UBE2D2: variants seen among roughly 807,000 people sequenced by gnomAD.
The protein encoded by UBE2D2 is ubiquitin conjugating enzyme E2 D2, also known as ubiquitin-conjugating enzyme E2 D2.
A neutral mutation model predicts 24.2 loss-of-function variants in UBE2D2; 2 were observed. The ratio of observed to expected loss-of-function variants is 0.08; its 90% CI spans 0.03 to 0.26. The LOEUF (loss-of-function observed/expected upper bound fraction) is 0.26. Among genes scored for constraint, UBE2D2 ranks in the 10% least tolerant of loss-of-function variants. The pLI is 1.00. For missense variants in UBE2D2, 44 were observed against 177.6 expected (o/e 0.25, Z 4.28); for synonymous variants, 58 against 56.5 (o/e 1.03, Z -0.12).
intron 6 of UBE2D2, among the ~76,000 whole-genome samples, chr5:139,624,162 T>C (rs149912648): frequency 9.6e-4 from 146 of 152,258 alleles, no homozygotes; most frequent in African/African-American, 3.3e-3. Flanking sequence ...AGAAAGCAAA[T>C]AAATGCCATT....
intron 1 of UBE2D2, among the ~76,000 whole-genome samples, chr5:139,574,937 T>C (rs908661997): frequency 3.3e-5 from 5 of 152,158 alleles, no homozygotes; most frequent in African/African-American, 1.2e-4. Context: ...TGTTATTTTT[T>C]ACAAATGTGC....
At chr5:139,568,351 A>G (rs1466736988) in intron 1 of UBE2D2, among the ~76,000 whole-genome samples, 1 of 151,576 alleles carries the variant, frequency 6.6e-6, no homozygotes, top group African/African-American at 2.4e-5. Flanking sequence ...CAAAAAAAAA[A>G]AAATTGCTTA....
chr5:139,607,484 A>T (rs962969400), intron 2 of UBE2D2, among the ~76,000 whole-genome samples: 5 of 152,018 alleles, frequency 3.3e-5, no homozygotes, highest in Non-Finnish European at 4.4e-5. Flanking sequence ...AGCCCTGTGT[A>T]TGTGTTTTTG....
intron 1 of UBE2D2, among the ~76,000 whole-genome samples, chr5:139,571,446 A>T (rs187623938): frequency 9.0e-4 from 136 of 150,970 alleles, no homozygotes; most frequent in Admixed American, 3.2e-3. Context: ...TCAGCTATCC[A>T]CTTTAGAGTA....
intron 1 of UBE2D2, among the ~76,000 whole-genome samples, chr5:139,532,854 C>T (rs575842285): frequency 1.4e-4 from 22 of 152,120 alleles, no homozygotes; most frequent in Admixed American, 9.8e-4. Flanking sequence ...CTCCAGTAAT[C>T]CTAGCACTTT....
intron 1 of UBE2D2, among the ~76,000 whole-genome samples, chr5:139,599,405 A>AT (rs201792137): frequency 8.0e-5 from 12 of 150,564 alleles, no homozygotes; most frequent in African/African-American, 2.2e-4. Flanking sequence ...TTGGCCTTAA[A>AT]TTTTTTTTTT....
chr5:139,610,782 G>C (rs1754301920), intron 2 of UBE2D2, among the ~76,000 whole-genome samples: 1 of 152,008 alleles, frequency 6.6e-6, no homozygotes, highest in Admixed American at 6.6e-5. Flanking sequence ...ATTTAAGCCT[G>C]GGAGGTGGAG....
intron 1 of UBE2D2, among the ~76,000 whole-genome samples, chr5:139,596,396 C>T (rs756399240): frequency 2.0e-5 from 3 of 151,716 alleles, no homozygotes; most frequent in Admixed American, 6.6e-5. Flanking sequence ...TGGGTTCAAG[C>T]GATTCTCCTG....
In UBE2D2 at chr5:139,588,356, A is replaced by G. The variant is rs1369802325; in HGVS notation, c.25-12016A>G. Among the ~76,000 whole-genome samples, 9 of 148,922 alleles carry G rather than the reference A, an allele frequency of 6.0e-5. 1 individual carries two copies. Among genetic ancestry groups the G allele is most frequent in the Non-Finnish European group, 1.0e-4 (7 of 67,298 alleles). ...AGTGGCGCGATCTCAGCTCACTGCA[A>G]CCTCCGCCTCCCAGGTTCAAGCTAT... On this transcript the variant is annotated intron_variant, in intron 1 of 6. Coordinates refer to ENST00000398733, the MANE Select transcript of UBE2D2 (RefSeq NM_003339.3).
chr5:139,590,443 TAA>T (rs1035963843), intron 1 of UBE2D2, among the ~76,000 whole-genome samples: 5 of 95,020 alleles, frequency 5.3e-5, no homozygotes, highest in African/African-American at 7.4e-5. Flanking sequence ...TCAAAAAAAA[TAA>T]AAAAAAAAAA....
chr5:139,613,888 C>T (rs1016599333), intron 2 of UBE2D2, among the ~76,000 whole-genome samples: 2 of 151,980 alleles, frequency 1.3e-5, no homozygotes, highest in Non-Finnish European at 2.9e-5. Context: ...GTGGCAAAAC[C>T]TTGTCTCTAC....
At chr5:139,572,178 C>T (rs1355100910) in intron 1 of UBE2D2, among the ~76,000 whole-genome samples, 1 of 152,210 alleles carries the variant, frequency 6.6e-6, no homozygotes, top group African/African-American at 2.4e-5. Flanking sequence ...GTTCCTTTGG[C>T]TTCTGATAAA....
chr5:139,583,586 A>C (rs1343352127), intron 1 of UBE2D2, among the ~76,000 whole-genome samples: 3 of 151,904 alleles, frequency 2.0e-5, no homozygotes, highest in Non-Finnish European at 4.4e-5. Flanking sequence ...ACAAGGTGAA[A>C]CCCTGTCTCT....
intron 1 of UBE2D2, among the ~76,000 whole-genome samples, chr5:139,536,930 A>G (rs1268644149): frequency 6.6e-6 from 1 of 152,210 alleles, no homozygotes; most frequent in Non-Finnish European, 1.5e-5. Flanking sequence ...CTGTAATCCC[A>G]GCACTTTGGG....
chr5:139,561,431 C>G lies in UBE2D2; in HGVS notation c.-361C>G, dbSNP rs1047322380. On this transcript the variant is annotated 5_prime_UTR_variant, in exon 1 of 7. Coordinates refer to ENST00000398733, the MANE Select transcript of UBE2D2 (RefSeq NM_003339.3). ...ACAGGCAATCCCTCCGGCTGTCCGA[C>G]CAAGAGAGGCCGGCCGAGCCCGAGG... 8 of 245,146 alleles carry G rather than the reference C, an allele frequency of 3.3e-5. No homozygotes were observed. Among genetic ancestry groups the G allele is most frequent in the Middle Eastern group, 1.2e-3 (1 of 856 alleles). The allele number at this position is 245,146 out of a possible 1,614,324, so 15.2% of individuals were successfully genotyped here.
chr5:139,546,788 A>G (rs1752832794), intron 1 of UBE2D2, among the ~76,000 whole-genome samples: 1 of 150,072 alleles, frequency 6.7e-6, no homozygotes. Context: ...GCCTGGCCTT[A>G]AATTTTCTTT....
intron 1 of UBE2D2, among the ~76,000 whole-genome samples, chr5:139,581,010 A>G (rs1753591740): frequency 6.6e-6 from 1 of 152,160 alleles, no homozygotes. Context: ...ATAAATTGAA[A>G]TGGCGGAAAA....
intron 1 of UBE2D2, among the ~76,000 whole-genome samples, chr5:139,566,861 TC>T (rs1039403619): frequency 8.6e-5 from 13 of 150,536 alleles, no homozygotes; most frequent in African/African-American, 2.2e-4. Flanking sequence ...TGCAATATCT[TC>T]CATTCAAAAA....
intron 2 of UBE2D2, among the ~76,000 whole-genome samples, chr5:139,608,522 A>G (rs78314762): frequency 1.3e-5 from 2 of 152,102 alleles, no homozygotes; most frequent in East Asian, 3.9e-4. Flanking sequence ...TGGGGGGTCA[A>G]GGCAGGCAGA....
Sources: gnomAD v4.1 joint callset for allele counts (sites outside exome capture counted in the v4.1 genomes callset) on GRCh38, gnomAD v4.1.1 for gene constraint, MANE v1.5 for transcripts, NCBI Gene and HGNC (gene_info 2026-07-23, HGNC 2026-07-21) for gene names.